The following CDH12 variants were observed in gnomAD, a reference collection of about 807,000 sequenced individuals.
The protein encoded by CDH12 is cadherin-12.
In CDH12, 41 loss-of-function variants were observed where a neutral mutation model predicts 74.1. The observed-to-expected ratio is 0.55, with a 90% CI of 0.43 to 0.72. The LOEUF is 0.72. Ranked by LOEUF, CDH12 falls within the 30% of genes least tolerant of loss-of-function variation. The pLI is 0.00. For synonymous variants in CDH12, 399 were observed against 355.0 expected, an observed-to-expected ratio of 1.12 and a Z score of -1.39; for missense variants, 945 against 977.2, an observed-to-expected ratio of 0.97 and a Z score of 0.44.
chr5:22,816,793 T>C (rs1749417186), intron 1 of CDH12, among the ~76,000 whole-genome samples: 1 of 152,144 alleles, frequency 6.6e-6, no homozygotes, highest in Admixed American at 6.6e-5. Context: ...GGTAAATTTC[T>C]GTGTGTCTAT....
At chr5:22,481,382 A>G (rs537700948) in intron 2 of CDH12, among the ~76,000 whole-genome samples, 9 of 152,354 alleles carry the variant, frequency 5.9e-5, no homozygotes, top group Non-Finnish European at 1.2e-4. Context: ...CAGGATCTCA[A>G]AGAAATATCT....
chr5:22,805,196 T>C (rs1167524522), intron 1 of CDH12, among the ~76,000 whole-genome samples: 2 of 152,110 alleles, frequency 1.3e-5, no homozygotes, highest in Non-Finnish European at 2.9e-5. Flanking sequence ...CAAAAGGAAT[T>C]ACAGCAAATA....
Position 21,802,237 on chromosome 5 carries a change from C to G in CDH12, c.1186G>C (p.Asp396His), listed in dbSNP as rs199790838. Residue 396 changes from aspartate (D) to histidine (H), a missense_variant, in exon 10 of 15, where the codon GAC becomes CAC. By Grantham distance (81) the Asp-to-His change is moderately conservative. Transcript: ENST00000382254. ...CCAATGATGGTCCCTACCGGAGTGT[C>G]TTCATAAACCTCCATGGTGTAGAGC... ...KPLYTMEVYE[D>H]TPVGTIIGAV... 7 of 1,613,920 alleles carry G rather than the reference C, an allele frequency of 4.3e-6. No individual in the cohort carries two copies. Among genetic ancestry groups the G allele is most frequent in the Non-Finnish European group, 5.9e-6 (7 of 1,179,942 alleles).
chr5:22,460,885 T>C (rs1197040759), intron 2 of CDH12, among the ~76,000 whole-genome samples: 1 of 150,732 alleles, frequency 6.6e-6, no homozygotes, highest in Non-Finnish European at 1.5e-5. Flanking sequence ...CACACCTGGC[T>C]AGTATTTGTA....
At chr5:22,300,755 G>A (rs1376111926) in intron 3 of CDH12, among the ~76,000 whole-genome samples, 2 of 152,124 alleles carry the variant, frequency 1.3e-5, no homozygotes, top group African/African-American at 2.4e-5. Flanking sequence ...AATCCATAAC[G>A]GTCACATACA....
intron 4 of CDH12, among the ~76,000 whole-genome samples, chr5:22,173,389 AT>A (rs1285461769): frequency 1.0e-4 from 8 of 79,850 alleles, no homozygotes; most frequent in Admixed American, 1.4e-4. Context: ...TTTATATAAT[AT>A]AAATATTAAT....
chr5:22,714,610 A>C (rs1195907218), intron 1 of CDH12, among the ~76,000 whole-genome samples: 3 of 152,222 alleles, frequency 2.0e-5, no homozygotes, highest in Admixed American at 1.3e-4. Flanking sequence ...CTAACTTAAA[A>C]CTGGGATAAT....
At chr5:22,144,550 A>T (rs1747032923) in intron 4 of CDH12, among the ~76,000 whole-genome samples, 1 of 152,054 alleles carries the variant, frequency 6.6e-6, no homozygotes. Flanking sequence ...TTGCACTAAA[A>T]GTAAAAAGAA....
intron 3 of CDH12, among the ~76,000 whole-genome samples, chr5:22,395,629 A>G (rs180824610): frequency 6.6e-6 from 1 of 152,266 alleles, no homozygotes; most frequent in Non-Finnish European, 1.5e-5. Context: ...CATATTAAAT[A>G]TAAGATATGT....
chr5:21,987,216 T>A (rs1240294290), intron 5 of CDH12, among the ~76,000 whole-genome samples: 2 of 152,078 alleles, frequency 1.3e-5, no homozygotes, highest in African/African-American at 2.4e-5. Context: ...TCAATTACGA[T>A]AAGATAAATA....
intron 1 of CDH12, among the ~76,000 whole-genome samples, chr5:22,642,419 C>T: frequency 6.6e-6 from 1 of 152,050 alleles, no homozygotes. Context: ...ATAAATATTC[C>T]CTTCCCCATA....
chr5:22,639,597 C>A (rs537055161), intron 1 of CDH12, among the ~76,000 whole-genome samples: 73 of 152,178 alleles, frequency 4.8e-4, no homozygotes, highest in Admixed American at 1.8e-3. Context: ...ATCAAGAGTT[C>A]TGAACGTGCT....
chr5:22,153,874 A>G (rs1417506597), intron 4 of CDH12, among the ~76,000 whole-genome samples: 1 of 52,244 alleles, frequency 1.9e-5, no homozygotes, highest in Non-Finnish European at 3.9e-5. Flanking sequence ...ATATATATGT[A>G]TATATATATA....
chr5:22,633,963 T>A (rs1467692196), intron 1 of CDH12, among the ~76,000 whole-genome samples: 1 of 152,128 alleles, frequency 6.6e-6, no homozygotes, highest in Non-Finnish European at 1.5e-5. Flanking sequence ...TTATAATGTA[T>A]AAGAAGAGGA....
At chr5:21,786,480 T>A (rs1425170514) in intron 10 of CDH12, among the ~76,000 whole-genome samples, 4 of 151,942 alleles carry the variant, frequency 2.6e-5, no homozygotes, top group Non-Finnish European at 4.4e-5. Context: ...AGTCTACTGT[T>A]GAGACCCACA....
intron 3 of CDH12, among the ~76,000 whole-genome samples, chr5:22,257,735 A>T (rs1753368905): frequency 6.6e-6 from 1 of 151,934 alleles, no homozygotes; most frequent in African/African-American, 2.4e-5. Flanking sequence ...TGAGCTCCTG[A>T]TTTGCCTGCC....
chr5:21,956,439 C>T (rs1756099352), intron 6 of CDH12, among the ~76,000 whole-genome samples: 1 of 151,878 alleles, frequency 6.6e-6, no homozygotes, highest in South Asian at 2.1e-4. Flanking sequence ...ATTATTATTC[C>T]CTCTCATGCA....
intron 3 of CDH12, among the ~76,000 whole-genome samples, chr5:22,373,124 AAGTCCC>A: frequency 6.6e-6 from 1 of 152,222 alleles, no homozygotes; most frequent in Middle Eastern, 3.4e-3. Flanking sequence ...CCCACCAGCC[AAGTCCC>A]ATTCCCCCAG....
intron 8 of CDH12, among the ~76,000 whole-genome samples, chr5:21,827,780 T>A (rs1182178019): frequency 6.6e-6 from 1 of 152,190 alleles, no homozygotes; most frequent in Non-Finnish European, 1.5e-5. Flanking sequence ...ATTTTTAACA[T>A]AAGTGATTTA....
Sources: allele counts gnomAD v4.1 joint callset (sites outside exome capture counted in the v4.1 genomes callset), GRCh38; gene constraint gnomAD v4.1.1; transcripts MANE v1.5; gene names NCBI Gene and HGNC (gene_info 2026-07-23, HGNC 2026-07-21).